KLHL29: variants seen among roughly 807,000 people sequenced by gnomAD.
The protein encoded by KLHL29 is kelch-like protein 29.
A neutral mutation model predicts 80.4 loss-of-function variants in KLHL29; 21 were observed. The ratio of observed to expected loss-of-function variants is 0.26; its 90% CI spans 0.19 to 0.38. The LOEUF is 0.38. Ranked by LOEUF, KLHL29 falls within the 10% of genes least tolerant of loss-of-function variation. The probability of loss-of-function intolerance (pLI) is 1.00; values close to 1 mark genes in which losing one functional copy is unlikely to be tolerated. For missense variants in KLHL29, 867 were observed against 1,223.9 expected (o/e 0.71, Z 4.35); for synonymous variants, 511 against 526.8 (o/e 0.97, Z 0.41).
chr2:23,667,775 A>G (rs1670594387), intron 5 of KLHL29: 1 of 152,502 alleles, frequency 6.6e-6, no homozygotes, highest in South Asian at 2.1e-4. Context: ...TCTGAGGCAC[A>G]CGGTCATTTC....
In KLHL29 at chr2:23,647,904, C is replaced by T. The variant is rs149083293; in HGVS notation, c.940+5054C>T. Among the ~76,000 whole-genome samples the T allele has an allele frequency of 8.1e-4, 124 of 152,212 alleles. No homozygotes were observed. The highest frequency in any genetic ancestry group is 3.4e-3 in the Middle Eastern group (1 of 294). On this transcript the variant is annotated intron_variant, in intron 5 of 13. Transcript: ENST00000486442. This position sits in a 1 kb window ranked among gnomAD's most constrained non-coding sequence, Gnocchi z 4.9. ...GCAAGGATGCTATTTCATCCCCACT[C>T]CCCCCTCAGTATCCAAGCCGGTACC... is the stretch of plus-strand genomic sequence containing the variant.
At chr2:23,651,753 A>G (rs1234302748) in intron 5 of KLHL29, among the ~76,000 whole-genome samples, 1 of 152,194 alleles carries the variant, frequency 6.6e-6, no homozygotes, top group Non-Finnish European at 1.5e-5. Flanking sequence ...TCCAACATAA[A>G]GGTGCAGGCA....
chr2:23,480,434 C>G (rs1664767820), intron 2 of KLHL29, among the ~76,000 whole-genome samples: 1 of 152,210 alleles, frequency 6.6e-6, no homozygotes, highest in East Asian at 1.9e-4. Flanking sequence ...TTGCAGTGAG[C>G]TGAGATCGCA....
intron 5 of KLHL29, among the ~76,000 whole-genome samples, chr2:23,655,747 A>G (rs1670225783): frequency 6.6e-6 from 1 of 152,196 alleles, no homozygotes; most frequent in Non-Finnish European, 1.5e-5. Context: ...CACAGGTGGA[A>G]CTGGTGCAGG....
At chr2:23,603,980 G>A (rs1408610729) in intron 3 of KLHL29, among the ~76,000 whole-genome samples, 1 of 152,214 alleles carries the variant, frequency 6.6e-6, no homozygotes, top group Non-Finnish European at 1.5e-5. Flanking sequence ...AGTCGGTTCT[G>A]TGAGCTCAGG....
chr2:23,492,480 C>T (rs1047259213), intron 2 of KLHL29, among the ~76,000 whole-genome samples: 2 of 152,144 alleles, frequency 1.3e-5, no homozygotes, highest in African/African-American at 4.8e-5. Flanking sequence ...GCTTATTGGA[C>T]GAGGGGCAGA....
intron 4 of KLHL29, among the ~76,000 whole-genome samples, chr2:23,639,686 C>T (rs1052061984): frequency 1.3e-5 from 2 of 152,038 alleles, no homozygotes; most frequent in Non-Finnish European, 2.9e-5. Flanking sequence ...GGAATTAATT[C>T]GCCAGCTTGT....
intron 2 of KLHL29, among the ~76,000 whole-genome samples, chr2:23,488,297 G>C (rs559742124): frequency 2.0e-5 from 3 of 152,212 alleles, no homozygotes; most frequent in Non-Finnish European, 4.4e-5. Flanking sequence ...AGTAGACATG[G>C]AAGGCAGAGA....
intron 5 of KLHL29, among the ~76,000 whole-genome samples, chr2:23,644,931 C>T (rs1190617871): frequency 6.6e-6 from 1 of 152,238 alleles, no homozygotes; most frequent in Non-Finnish European, 1.5e-5. Flanking sequence ...GTGACAACAA[C>T]TGACCGGTCC....
intron 2 of KLHL29, among the ~76,000 whole-genome samples, chr2:23,544,077 G>A (rs543153322): frequency 3.5e-4 from 54 of 152,260 alleles, no homozygotes; most frequent in African/African-American, 1.3e-3. Flanking sequence ...TCATTTCTTT[G>A]ACATAACCTG....
chr2:23,706,302 G>A (rs1295829668), intron 13 of KLHL29, among the ~76,000 whole-genome samples, 179 bp from the exon 14 acceptor site: 2 of 152,176 alleles, frequency 1.3e-5, no homozygotes, highest in African/African-American at 2.4e-5. Context: ...GACTGGCCCT[G>A]GAGGACAGGT....
At chr2:23,411,379 T>TTG (rs56103621) in intron 1 of KLHL29, among the ~76,000 whole-genome samples, 18,064 of 108,728 alleles carry the variant, frequency 0.17, 1,601 homozygotes, top group African/African-American at 0.23. Context: ...GTTGCAAAAA[T>TTG]TGTGTGTGTG....
chr2:23,414,251 T>G (rs1314301621), intron 1 of KLHL29, among the ~76,000 whole-genome samples: 1 of 152,068 alleles, frequency 6.6e-6, no homozygotes, highest in Non-Finnish European at 1.5e-5. Flanking sequence ...CAAAGCTTCC[T>G]GTGAGCTGGG....
At chr2:23,559,278 G>T (rs527473952) in intron 2 of KLHL29, among the ~76,000 whole-genome samples, 2 of 152,304 alleles carry the variant, frequency 1.3e-5, no homozygotes, top group South Asian at 2.1e-4. Flanking sequence ...AAGGGAGCCC[G>T]CCCAGATCCT....
At chr2:23,652,357 A>T (rs1055988303) in intron 5 of KLHL29, among the ~76,000 whole-genome samples, 3 of 152,208 alleles carry the variant, frequency 2.0e-5, no homozygotes, top group African/African-American at 7.2e-5. Flanking sequence ...ATCGCTAGAC[A>T]GTTTGTCCTG....
intron 1 of KLHL29, among the ~76,000 whole-genome samples, chr2:23,426,587 C>A (rs1663010589): frequency 6.6e-6 from 1 of 152,240 alleles, no homozygotes; most frequent in African/African-American, 2.4e-5. Flanking sequence ...AATAAACGCC[C>A]AATCTGCAAG....
chr2:23,498,627 G>A (rs1334714936), intron 2 of KLHL29, among the ~76,000 whole-genome samples: 1 of 152,248 alleles, frequency 6.6e-6, no homozygotes, highest in Non-Finnish European at 1.5e-5. Context: ...CATTTAGGAA[G>A]GTCGGGGCTT....
At chr2:23,639,082 G>A in intron 3 of KLHL29, 57 bp from the exon 4 acceptor site, 1 of 1,466,860 alleles carries the variant, frequency 6.8e-7, no homozygotes, top group East Asian at 2.6e-5. Flanking sequence ...AGGGAGTCTT[G>A]TTCTGGAGGC....
Position 23,521,485 on chromosome 2 carries a change from C to G in KLHL29, c.-45-40667C>G, listed in dbSNP as rs1379038391. On this transcript the variant is annotated intron_variant, in intron 2 of 13. Coordinates refer to ENST00000486442, the MANE Select transcript of KLHL29 (RefSeq NM_052920.2). ...GTGAAGCTGCAGGTGCAGCCTGTCC[C>G]CTAGGTCCATGTGCTGCATTGGGCC... Among the ~76,000 whole-genome samples, 3 of 152,328 alleles carry G rather than the reference C, an allele frequency of 2.0e-5. No homozygotes were observed. The East Asian group carries it at 5.8e-4, about 29-fold the overall frequency.
Sources: gnomAD v4.1 joint callset for allele counts (sites outside exome capture counted in the v4.1 genomes callset) on GRCh38, gnomAD v4.1.1 for gene constraint, Gnocchi (gnomAD v3.1) non-coding constraint, MANE v1.5 for transcripts, NCBI Gene and HGNC (gene_info 2026-07-23, HGNC 2026-07-21) for gene names.